Variants in ANAPC11 observed in about 807,000 individuals in gnomAD.
The protein encoded by ANAPC11 is anaphase-promoting complex subunit 11.
ANAPC11 carries 5 observed loss-of-function variants against 11.8 expected under a neutral mutation model. The ratio of observed to expected loss-of-function variants is 0.42; its 90% CI spans 0.22 to 0.89. The LOEUF is 0.89. Ranked by LOEUF, ANAPC11 falls within the 40% of genes least tolerant of loss-of-function variation. The probability of loss-of-function intolerance (pLI) is 0.28; values close to 1 mark genes in which losing one functional copy is unlikely to be tolerated. For missense variants in ANAPC11, 68 were observed against 112.9 expected (o/e 0.60, Z 1.80); for synonymous variants, 45 against 41.0 (o/e 1.10, Z -0.38).
rs529200093 is a variant in ANAPC11 at position 81,894,715 on chromosome 17, CTTT to C, written c.109+146_109+148del. On this transcript the variant is annotated intron_variant, in intron 3 of 3. Coordinates refer to ENST00000344877, the MANE Select transcript of ANAPC11 (RefSeq NM_001002248.3). Reference sequence around the variant, plus strand: ...TGCACGAAATACCCAGTTTCATTTTCTTTTTTTTTTTTTTTTTTTGAGACCGAG... The same window carrying C: ...TGCACGAAATACCCAGTTTCATTTTCTTTTTTTTTTTTTTTTGAGACCGAG... 8.7e-3 allele frequency: 3,058 copies of C among 353,270 alleles called. 1 individual carries two copies. The highest frequency in any genetic ancestry group is 0.015 in the South Asian group (172 of 11,394). 21.9% of individuals were successfully genotyped at this position (353,270 alleles called of 1,614,324 possible).
At chr17:81,898,954 T>G in intron 3 of ANAPC11, 5 of 470,744 alleles carry the variant, frequency 1.1e-5, no homozygotes, top group Non-Finnish European at 1.1e-5. Context: ...TCAGCTCTCA[T>G]TTGAAAGGGC....
At position 81,900,200 on chromosome 17, in the gene ANAPC11, A is replaced by G. The variant is rs955744694; in HGVS notation, c.*135A>G. On this transcript the variant is annotated 3_prime_UTR_variant, in exon 4 of 4. Coordinates refer to ENST00000344877, the MANE Select transcript of ANAPC11 (RefSeq NM_001002248.3). ...CTGGAGCTGCGTTTGTTTTGCCATC[A>G]CTATGTTGACACTTTTATCCAATAA... is the stretch of plus-strand genomic sequence containing the variant. 8.1e-6 allele frequency: 11 copies of G among 1,350,938 alleles called. No individual in the cohort carries two copies. The Admixed American group carries it at 2.7e-4, about 33-fold the overall frequency. 83.7% of individuals were successfully genotyped at this position (1,350,938 alleles called of 1,614,324 possible).
chr17:81,900,419 G>A, downstream of ANAPC11: 1 of 336,196 alleles, frequency 3.0e-6, no homozygotes, highest in South Asian at 2.9e-5. Flanking sequence ...GGTAGAGCCT[G>A]GGGCATGCTC....
upstream of ANAPC11, chr17:81,891,569 G>A (rs1352818568): frequency 2.8e-6 from 4 of 1,436,952 alleles, no homozygotes; most frequent in East Asian, 3.3e-5. Flanking sequence ...TGGCGGGCGC[G>A]GAATCGGGCA....
intron 3 of ANAPC11, chr17:81,899,640 C>T (rs909369403): frequency 1.7e-5 from 23 of 1,384,264 alleles, no homozygotes; most frequent in Non-Finnish European, 2.1e-5. Flanking sequence ...GGGCTCCCCA[C>T]TGAGCATGAT....
intron 3 of ANAPC11, among the ~76,000 whole-genome samples, chr17:81,896,778 A>G (rs1567869903): frequency 7.7e-6 from 1 of 129,546 alleles, no homozygotes; most frequent in Non-Finnish European, 1.6e-5. Context: ...GCATACCACC[A>G]CACTCATCTG....
intron 1 of ANAPC11, chr17:81,893,177 C>T (rs2039609658): frequency 6.6e-6 from 1 of 152,300 alleles, no homozygotes; most frequent in South Asian, 2.1e-4. Flanking sequence ...GCTGCAACCT[C>T]CGCCTCCCAG....
rs1235258376 is a variant in ANAPC11 at position 81,895,274 on chromosome 17, C to T, written c.109+688C>T. 3.3e-5 allele frequency among the ~76,000 whole-genome samples: 5 copies of T among 152,176 alleles called. No homozygotes were observed. The East Asian group carries it at 7.7e-4, about 23-fold the overall frequency. ...TTCTCCATGTTAGGCTGGTCTCGAA[C>T]TGTCAACCTCAGGTGATCCACCCGC... On this transcript the variant is annotated intron_variant, in intron 3 of 3. Coordinates refer to ENST00000344877, the MANE Select transcript of ANAPC11 (RefSeq NM_001002248.3).
chr17:81,892,524 A>ATTTTTTTTTTTTTTTT (rs201667030), intron 1 of ANAPC11, among the ~76,000 whole-genome samples: 13 of 128,530 alleles, frequency 1.0e-4, no homozygotes, highest in African/African-American at 3.9e-4. Flanking sequence ...CATTTCATTG[A>ATTTTTTTTTTTTTTTT]TTTTTTTTTT....
intron 3 of ANAPC11, chr17:81,898,084 T>TA (rs2039802208): frequency 6.6e-6 from 1 of 152,270 alleles, no homozygotes; most frequent in African/African-American, 2.4e-5. Context: ...CTAATTAGGT[T>TA]AATAACTAAA....
chr17:81,891,731 T>G lies in ANAPC11; in HGVS notation c.-185T>G. The G allele has an allele frequency of 4.9e-6, 3 of 612,436 alleles. No individual in the cohort carries two copies. Among genetic ancestry groups the G allele is most frequent in the South Asian group, 3.3e-5 (1 of 30,262 alleles). 37.9% of individuals were successfully genotyped at this position (612,436 alleles called of 1,614,324 possible). ...GTGAGGCGGGGAGGCGCGTGCGCAC[T>G]GGCGTGCGAGACTCGGCGGGCGCTG... is the stretch of plus-strand genomic sequence containing the variant. On this transcript the variant is annotated 5_prime_UTR_variant, in exon 1 of 4. Transcript: ENST00000344877.
intron 3 of ANAPC11, among the ~76,000 whole-genome samples, chr17:81,896,150 G>A (rs1460133496): frequency 6.6e-6 from 1 of 152,164 alleles, no homozygotes; most frequent in Non-Finnish European, 1.5e-5. Flanking sequence ...GCCGGGCATG[G>A]TGGCAGGTGC....
rs2039890923 is a variant in ANAPC11 at position 81,900,067 on chromosome 17, GC to G, written c.*5del. 3 of 1,612,324 alleles carry G rather than the reference GC, an allele frequency of 1.9e-6. No individual in the cohort carries two copies. The highest frequency in any genetic ancestry group is 2.5e-6 in the Non-Finnish European group (3 of 1,179,830). On this transcript the variant is annotated 3_prime_UTR_variant, in exon 4 of 4. Transcript: ENST00000344877. ...CAGGAATGGAAGTTCAAGGAGTGAGGCCCGACCTGGCTCTCGCTGGAGGGGC... is the reference window on the plus strand; with the variant it reads ...CAGGAATGGAAGTTCAAGGAGTGAGGCCGACCTGGCTCTCGCTGGAGGGGC...
At chr17:81,890,920 A>G, upstream of ANAPC11, 2 of 1,548,920 alleles carry the variant, frequency 1.3e-6, no homozygotes, top group Non-Finnish European at 1.7e-6. Flanking sequence ...CCGGCCTGAG[A>G]GGATCCGGCC....
intron 3 of ANAPC11, 73 bp from the exon 4 acceptor site, chr17:81,899,847 C>G: frequency 6.7e-7 from 1 of 1,485,414 alleles, no homozygotes; most frequent in South Asian, 1.3e-5. Flanking sequence ...CTACCTGCAC[C>G]CCTGCCTGGC....
At chr17:81,895,050 C>CTTTT (rs766422017) in intron 3 of ANAPC11, among the ~76,000 whole-genome samples, 227 of 84,980 alleles carry the variant, frequency 2.7e-3, no homozygotes, top group Non-Finnish European at 3.1e-3. Flanking sequence ...TCTTTCTTTT[C>CTTTT]TTTTTTTTTT....
intron 3 of ANAPC11, chr17:81,898,997 AC>A: frequency 1.7e-6 from 1 of 581,888 alleles, no homozygotes; most frequent in East Asian, 2.9e-5. Flanking sequence ...GAGGCCAGAA[AC>A]CCCCACGGGC....
upstream of ANAPC11, chr17:81,891,114 G>A (rs941668514): frequency 7.0e-5 from 45 of 646,720 alleles, no homozygotes; most frequent in Non-Finnish European, 1.0e-4. Context: ...GAGCTGGGAA[G>A]GGTCTCAGCC....
At chr17:81,891,586 C>G (rs749696229), upstream of ANAPC11, 52 of 1,413,856 alleles carry the variant, frequency 3.7e-5, no homozygotes, top group East Asian at 1.2e-3. Flanking sequence ...GGCATCGGCT[C>G]GAGCCCGCGC....
Sources: gnomAD v4.1 joint callset for allele counts (sites outside exome capture counted in the v4.1 genomes callset) on GRCh38, gnomAD v4.1.1 for gene constraint, MANE v1.5 for transcripts, NCBI Gene and HGNC (gene_info 2026-07-23, HGNC 2026-07-21) for gene names.